Variants in FAM227B observed in about 807,000 individuals in gnomAD.
The protein encoded by FAM227B is family with sequence similarity 227 member B.
In FAM227B, 88 loss-of-function variants were observed where a neutral mutation model predicts 73.8. The observed-to-expected ratio is 1.19, with a 90% CI of 1.00 to 1.42. The LOEUF is 1.42. Ranked by LOEUF, FAM227B falls within the 40% of genes most tolerant of loss-of-function variation. The pLI, the probability that FAM227B is intolerant of heterozygous loss-of-function variation, is 0.00. For missense variants in FAM227B, 632 were observed against 590.9 expected (o/e 1.07, Z -0.72); for synonymous variants, 210 against 190.5 (o/e 1.10, Z -0.84).
chr15:49,561,844 A>C (rs1459445707), intron 9 of FAM227B, among the ~76,000 whole-genome samples: 3 of 152,176 alleles, frequency 2.0e-5, no homozygotes, highest in Non-Finnish European at 4.4e-5. Context: ...TATGCAGCCA[A>C]AGCAATGTTA....
chr15:49,356,171 A>G (rs1423842633), intron 13 of FAM227B, among the ~76,000 whole-genome samples: 1 of 152,196 alleles, frequency 6.6e-6, no homozygotes, highest in Non-Finnish European at 1.5e-5. Flanking sequence ...ACTAGGAAGA[A>G]ACTGCATCAA....
intron 9 of FAM227B, among the ~76,000 whole-genome samples, chr15:49,554,212 T>C (rs532344966): frequency 6.6e-6 from 1 of 152,116 alleles, no homozygotes; most frequent in Non-Finnish European, 1.5e-5. Context: ...TCCTTTCCTC[T>C]AGCAGAAGGA....
intron 11 of FAM227B, among the ~76,000 whole-genome samples, chr15:49,439,499 C>T (rs1228509577): frequency 1.3e-5 from 2 of 151,720 alleles, no homozygotes; most frequent in Non-Finnish European, 2.9e-5. Flanking sequence ...GGCCAAACCA[C>T]GGACTAACTA....
intron 11 of FAM227B, among the ~76,000 whole-genome samples, chr15:49,419,202 C>T (rs1441045350): frequency 1.3e-5 from 2 of 152,128 alleles, no homozygotes; most frequent in South Asian, 2.1e-4. Flanking sequence ...AGTATTGCTG[C>T]CTCTGCTATG....
At chr15:49,591,484 CTT>C (rs71120696) in intron 3 of FAM227B, among the ~76,000 whole-genome samples, 709 of 55,374 alleles carry the variant, frequency 0.013, 5 homozygotes, top group African/African-American at 0.042. Context: ...CCCTTCCTTC[CTT>C]TTTTTTTTTT....
chr15:49,328,030 G>C lies in FAM227B; in HGVS notation c.*538C>G. On this transcript the variant is annotated 3_prime_UTR_variant, in exon 16 of 16. Coordinates refer to ENST00000299338, the MANE Select transcript of FAM227B (RefSeq NM_152647.3). ...CAGTATCAATGGTACCTGCGGACAA[G>C]CTGCCCAGCTTTCTAGCAAATGTGC... 1 of 1,614,046 alleles carries C rather than the reference G, an allele frequency of 6.2e-7. No individual in the cohort carries two copies. Among genetic ancestry groups the C allele is most frequent in the Non-Finnish European group, 8.5e-7 (1 of 1,179,914 alleles).
At chr15:49,342,530 T>C (rs2040890600) in intron 13 of FAM227B, among the ~76,000 whole-genome samples, 1 of 151,332 alleles carries the variant, frequency 6.6e-6, no homozygotes, top group Non-Finnish European at 1.5e-5. Context: ...ACTGTTTACA[T>C]TCAAGGTTAT....
At chr15:49,413,119 A>G (rs2048978581) in intron 11 of FAM227B, among the ~76,000 whole-genome samples, 1 of 152,110 alleles carries the variant, frequency 6.6e-6, no homozygotes, top group South Asian at 2.1e-4. Flanking sequence ...TGTCTCTGAT[A>G]TGGTTTGGCT....
rs913012905 is a variant in FAM227B at position 49,360,120 on chromosome 15, A to AG, written c.1271+7327dup. Among the ~76,000 whole-genome samples the AG allele has an allele frequency of 2.0e-5, 3 of 150,478 alleles. 1 individual carries two copies. The highest frequency in any genetic ancestry group is 7.3e-5 in the African/African-American group (3 of 41,022). ...GGGGGGAGGGGGGAGGGATAGCATC[A>AG]GGAGATATACCTAATGCTGGATGAC... is the stretch of plus-strand genomic sequence containing the variant. On this transcript the variant is annotated intron_variant, in intron 13 of 15. Coordinates refer to ENST00000299338, the MANE Select transcript of FAM227B (RefSeq NM_152647.3).
intron 5 of FAM227B, among the ~76,000 whole-genome samples, chr15:49,578,631 A>G (rs1033101526): frequency 1.3e-5 from 2 of 152,194 alleles, no homozygotes; most frequent in Admixed American, 6.5e-5. Flanking sequence ...CATATAAAAC[A>G]AATTGGAAAG....
At chr15:49,371,164 T>C (rs2045777894) in intron 12 of FAM227B, 138 bp downstream of exon 12, 1 of 449,004 alleles carries the variant, frequency 2.2e-6, no homozygotes, top group Non-Finnish European at 4.0e-6. Context: ...AACAAATCTC[T>C]TTTGACCATT....
chr15:49,484,764 C>G, intron 11 of FAM227B: 1 of 306,018 alleles, frequency 3.3e-6, no homozygotes, highest in Non-Finnish European at 5.9e-6. Flanking sequence ...GTTGTACAAT[C>G]ATGATGTTAG....
chr15:49,472,806 G>A lies in FAM227B; in HGVS notation c.1012+35405C>T, dbSNP rs371589776. ...AAATGGGTAGAAAAAAAGCACAGAT[G>A]TAATGATAAATAGTAGATGGAAAAG... On this transcript the variant is annotated intron_variant, in intron 11 of 15. Coordinates refer to ENST00000299338, the MANE Select transcript of FAM227B (RefSeq NM_152647.3). 6.6e-5 allele frequency among the ~76,000 whole-genome samples: 10 copies of A among 152,246 alleles called. No individual in the cohort carries two copies. In the East Asian group the frequency reaches 1.2e-3, roughly 18 times the overall value.
At chr15:49,397,366 G>C (rs1263684553) in intron 11 of FAM227B, among the ~76,000 whole-genome samples, 1 of 152,130 alleles carries the variant, frequency 6.6e-6, no homozygotes, top group Non-Finnish European at 1.5e-5. Flanking sequence ...CCAAATCTAC[G>C]TCTGACTGGT....
intron 13 of FAM227B, chr15:49,365,400 A>G (rs1341708700): frequency 9.1e-7 from 1 of 1,100,832 alleles, no homozygotes; most frequent in Non-Finnish European, 1.4e-6. Context: ...GAACCAGTCT[A>G]AACATCAACT....
At chr15:49,420,325 G>A (rs952755269) in intron 11 of FAM227B, among the ~76,000 whole-genome samples, 3 of 151,824 alleles carry the variant, frequency 2.0e-5, no homozygotes, top group Middle Eastern at 3.2e-3. Flanking sequence ...CCCATTCGGT[G>A]GAATACCCTG....
intron 11 of FAM227B, among the ~76,000 whole-genome samples, chr15:49,472,158 C>T (rs2054840659): frequency 6.6e-6 from 1 of 151,976 alleles, no homozygotes. Flanking sequence ...TTATGAAGAA[C>T]GCATTTGAAG....
chr15:49,392,382 A>T (rs913555519), intron 11 of FAM227B, among the ~76,000 whole-genome samples: 3 of 152,180 alleles, frequency 2.0e-5, no homozygotes, highest in Non-Finnish European at 2.9e-5. Context: ...TGCATGGGGA[A>T]GGACCTGCAA....
intron 11 of FAM227B, among the ~76,000 whole-genome samples, chr15:49,428,146 C>G (rs2050286877): frequency 1.3e-5 from 2 of 151,850 alleles, no homozygotes; most frequent in African/African-American, 2.4e-5. Flanking sequence ...ATTTCTGACT[C>G]TTGAGGGGAC....
Sources: gnomAD v4.1 joint callset for allele counts (sites outside exome capture counted in the v4.1 genomes callset) on GRCh38, gnomAD v4.1.1 for gene constraint, MANE v1.5 for transcripts, NCBI Gene and HGNC (gene_info 2026-07-23, HGNC 2026-07-21) for gene names.